Variants in RBM5 observed in about 807,000 individuals in gnomAD.
The protein encoded by RBM5 is RNA-binding protein 5.
Under a neutral mutation model 124.6 loss-of-function variants are expected in RBM5, and 15 were observed. The ratio of observed to expected loss-of-function variants is 0.12; its 90% CI spans 0.08 to 0.19. The LOEUF is 0.19. Ranked by LOEUF, RBM5 falls within the 10% of genes least tolerant of loss-of-function variation. The probability of loss-of-function intolerance (pLI) is 1.00; values close to 1 mark genes in which losing one functional copy is unlikely to be tolerated. For missense variants in RBM5, 580 were observed against 1,026.5 expected (o/e 0.57, Z 5.94); for synonymous variants, 337 against 361.2 (o/e 0.93, Z 0.76).
intron 4 of RBM5, among the ~76,000 whole-genome samples, chr3:50,097,393 C>CAAAA (rs35592964): frequency 8.8e-6 from 1 of 114,092 alleles, no homozygotes; most frequent in Non-Finnish European, 1.9e-5. Context: ...AAGACTGTCT[C>CAAAA]AAAAAAAAAA....
intron 4 of RBM5, among the ~76,000 whole-genome samples, chr3:50,099,239 G>C (rs2090889199): frequency 6.7e-6 from 1 of 149,402 alleles, no homozygotes; most frequent in Non-Finnish European, 1.5e-5. Flanking sequence ...CTGGGTGTCA[G>C]AGCTAGGCCC....
intron 16 of RBM5, 62 bp downstream of exon 16, chr3:50,110,525 T>G (rs1261469598): frequency 6.5e-7 from 1 of 1,534,282 alleles, no homozygotes; most frequent in Admixed American, 1.7e-5. Context: ...CTTTGTTTAA[T>G]GAGAGTTCTT....
Position 50,100,713 on chromosome 3 carries a change from A to G in RBM5, c.483+108A>G. 1.2e-6 allele frequency: 1 copy of G among 830,044 alleles called. No homozygotes were observed. The highest frequency in any genetic ancestry group is 2.0e-5 in the South Asian group (1 of 50,490). The allele number at this position is 830,044 out of a possible 1,614,324, so 51.4% of individuals were successfully genotyped here. On this transcript the variant is annotated intron_variant, in intron 6 of 24. Coordinates refer to ENST00000347869, the MANE Select transcript of RBM5 (RefSeq NM_005778.4). The surrounding 1 kb of genome is among the most constrained non-coding windows in gnomAD (Gnocchi z 5.1). ...GTTCCAAAGGAGTGACTTTTTTTTA[A>G]AAAAAAAGCTTTGTATATATTAAAA...
chr3:50,092,658 C>T (rs1481603150), intron 3 of RBM5: 2 of 428,920 alleles, frequency 4.7e-6, no homozygotes, highest in South Asian at 1.7e-5. Flanking sequence ...ATTTAGGTCT[C>T]AGTACAACCT....
intron 22 of RBM5, chr3:50,116,736 T>TG (rs1459977758): frequency 2.9e-6 from 1 of 341,572 alleles, no homozygotes; most frequent in Non-Finnish European, 5.6e-6. Context: ...GTCCAAATGC[T>TG]GAGGAGAACG....
chr3:50,100,076 A>G lies in RBM5; in HGVS notation c.409+25A>G. 1 of 1,605,696 alleles carries G rather than the reference A, an allele frequency of 6.2e-7. No homozygotes were observed. The highest frequency in any genetic ancestry group is 1.1e-5 in the South Asian group (1 of 90,000). ...GGTGAGAGCTTGCTTAGTTCCTGAT[A>G]TTATTGTTCTCTTCCCCATTCCCAC... On this transcript the variant is annotated intron_variant, in intron 5 of 24. Coordinates refer to ENST00000347869, the MANE Select transcript of RBM5 (RefSeq NM_005778.4). This position sits in a 1 kb window ranked among gnomAD's most constrained non-coding sequence, Gnocchi z 5.1.
Position 50,103,265 on chromosome 3 carries a change from C to A in RBM5, c.567+99C>A, listed in dbSNP as rs2090973828. 4.2e-6 allele frequency: 4 copies of A among 963,690 alleles called. No individual in the cohort carries two copies. In the South Asian group the frequency reaches 5.6e-5, roughly 13 times the overall value. 59.7% of individuals were successfully genotyped at this position (963,690 alleles called of 1,614,324 possible). A position where few individuals can be genotyped will look rare whatever the true frequency, so the allele number is the denominator to read the frequency against. On this transcript the variant is annotated intron_variant, in intron 7 of 24. Transcript: ENST00000347869. ...CTGTCCAAACAAGGAAATTGTTACTCAATCATCAGTAATATTCATGGTTTG... is the reference window on the plus strand; with the variant it reads ...CTGTCCAAACAAGGAAATTGTTACTAAATCATCAGTAATATTCATGGTTTG...
chr3:50,108,551 A>C (rs981345971), intron 14 of RBM5, among the ~76,000 whole-genome samples: 1 of 152,170 alleles, frequency 6.6e-6, no homozygotes, highest in Non-Finnish European at 1.5e-5. Flanking sequence ...AGCTAAAACT[A>C]CAGAAATTAG....
At position 50,100,623 on chromosome 3, in the gene RBM5, G is replaced by GTC; in HGVS notation, c.483+20_483+21dup. 6.4e-7 allele frequency: 1 copy of GTC among 1,571,812 alleles called. No individual in the cohort carries two copies. The highest frequency in any genetic ancestry group is 8.8e-7 in the Non-Finnish European group (1 of 1,142,030). ...CCAATCAGGTTGCTTCACTCACCAA[G>GTC]TCTAGATATTCATGAAAATGGAACA... On this transcript the variant is annotated intron_variant, in intron 6 of 24. Coordinates refer to ENST00000347869, the MANE Select transcript of RBM5 (RefSeq NM_005778.4). This position sits in a 1 kb window ranked among gnomAD's most constrained non-coding sequence, Gnocchi z 5.1.
At chr3:50,103,217 T>G (rs745794092) in intron 7 of RBM5, 51 bp downstream of exon 7, 1 of 1,362,342 alleles carries the variant, frequency 7.3e-7, no homozygotes, top group Non-Finnish European at 1.0e-6. Context: ...GATATTGCTG[T>G]TTTTTTCTGT....
At chr3:50,089,142 AG>A (rs2090653983) in intron 1 of RBM5, 113 bp downstream of exon 1, 1 of 152,326 alleles carries the variant, frequency 6.6e-6, no homozygotes, top group Non-Finnish European at 1.5e-5. Context: ...GGTTCTGTAG[AG>A]GGGCTAAATT....
At chr3:50,118,134 C>T in intron 24 of RBM5, 197 bp from the exon 25 acceptor site, 2 of 697,604 alleles carry the variant, frequency 2.9e-6, no homozygotes, top group Non-Finnish European at 2.3e-6. Context: ...CTTCATCTGC[C>T]TGTGTTCCGT....
chr3:50,104,384 T>C (rs1050259452), intron 8 of RBM5, 76 bp downstream of exon 8: 4 of 1,430,206 alleles, frequency 2.8e-6, no homozygotes, highest in Non-Finnish European at 3.9e-6. Flanking sequence ...CTCACTGTAA[T>C]CCCACCACTT....
chr3:50,103,425 T>C (rs538646203), intron 7 of RBM5, among the ~76,000 whole-genome samples: 16 of 152,236 alleles, frequency 1.1e-4, no homozygotes, highest in South Asian at 1.0e-3. Context: ...GGCGGGTAGA[T>C]AGCTTGAGGC....
intron 16 of RBM5, 73 bp downstream of exon 16, chr3:50,110,536 C>T (rs907895876): frequency 2.0e-6 from 3 of 1,508,734 alleles, no homozygotes; most frequent in Non-Finnish European, 2.8e-6. Flanking sequence ...GAGAGTTCTT[C>T]TCCCTTTGCG....
Position 50,117,068 on chromosome 3 carries a change from A to G in RBM5, c.2095-6A>G, listed in dbSNP as rs1466304818. 4 of 1,612,976 alleles carry G rather than the reference A, an allele frequency of 2.5e-6. No homozygotes were observed. Among genetic ancestry groups the G allele is most frequent in the Admixed American group, 1.7e-5 (1 of 60,004 alleles). ...CATTTCCAGCAGTGTTTTTTCTCCCATGTAGATGAAATACCGAGACCGAGC... is the reference window on the plus strand; with the variant it reads ...CATTTCCAGCAGTGTTTTTTCTCCCGTGTAGATGAAATACCGAGACCGAGC... On this transcript the variant is annotated splice_polypyrimidine_tract_variant and splice_region_variant and intron_variant, in intron 22 of 24. Coordinates refer to ENST00000347869, the MANE Select transcript of RBM5 (RefSeq NM_005778.4). This position sits in a 1 kb window ranked among gnomAD's most constrained non-coding sequence, Gnocchi z 4.2.
rs370127705 is a variant in RBM5 at position 50,098,606 on chromosome 3, C to T, written c.340-1376C>T. Among the ~76,000 whole-genome samples, 18 of 152,152 alleles carry T rather than the reference C, an allele frequency of 1.2e-4. No homozygotes were observed. In the East Asian group the frequency reaches 2.3e-3, roughly 20 times the overall value. On this transcript the variant is annotated intron_variant, in intron 4 of 24. Transcript: ENST00000347869. ...TACAGGCACGTGCCACCACGTCTGG[C>T]TGATTTTTTGTATTTTTAGTAGAGA...
chr3:50,093,888 G>A lies in RBM5; in HGVS notation c.339+13G>A, dbSNP rs2090756219. ...CACAGAGAGCGATGTAAGGGGAAAT[G>A]ACAGTTATAACCAGCAGTCAGTAGG... On this transcript the variant is annotated intron_variant, in intron 4 of 24. Coordinates refer to ENST00000347869, the MANE Select transcript of RBM5 (RefSeq NM_005778.4). The A allele has an allele frequency of 6.3e-7, 1 of 1,598,260 alleles. No homozygotes were observed. The highest frequency in any genetic ancestry group is 8.6e-7 in the Non-Finnish European group (1 of 1,166,968).
intron 11 of RBM5, chr3:50,107,163 C>A (rs2091048513): frequency 1.5e-6 from 1 of 650,874 alleles, no homozygotes; most frequent in Non-Finnish European, 2.8e-6. Flanking sequence ...CCAGAAATAA[C>A]CCATTCCTTC....
Sources: gnomAD v4.1 joint callset for allele counts (sites outside exome capture counted in the v4.1 genomes callset) on GRCh38, gnomAD v4.1.1 for gene constraint, Gnocchi (gnomAD v3.1) non-coding constraint, MANE v1.5 for transcripts, NCBI Gene and HGNC (gene_info 2026-07-23, HGNC 2026-07-21) for gene names.